Variants in KCNK2 observed in about 807,000 individuals in gnomAD.
KCNK2 encodes the protein potassium channel subfamily K member 2.
KCNK2 carries 21 observed loss-of-function variants against 40.5 expected under a neutral mutation model. The ratio of observed to expected loss-of-function variants is 0.52; its 90% CI spans 0.37 to 0.75. The LOEUF (loss-of-function observed/expected upper bound fraction) is 0.75. Among genes scored for constraint, KCNK2 ranks in the 30% least tolerant of loss-of-function variants. The probability of loss-of-function intolerance (pLI) is 0.00; values close to 1 mark genes in which losing one functional copy is unlikely to be tolerated. For missense variants in KCNK2, 399 were observed against 531.6 expected (o/e 0.75, Z 2.45); for synonymous variants, 191 against 202.2 (o/e 0.94, Z 0.47).
At chr1:215,018,998 CAA>C (rs72095533) in intron 1 of KCNK2, among the ~76,000 whole-genome samples, 8 of 138,792 alleles carry the variant, frequency 5.8e-5, no homozygotes, top group African/African-American at 1.8e-4. Context: ...CACACACACA[CAA>C]AAAAAAAACC....
intron 2 of KCNK2, among the ~76,000 whole-genome samples, chr1:215,108,016 A>C (rs768277885): frequency 1.3e-5 from 2 of 152,078 alleles, no homozygotes; most frequent in Non-Finnish European, 2.9e-5. Flanking sequence ...TGGTTTTAGG[A>C]TGAAACGATT....
Position 215,086,504 on chromosome 1 carries a change from G to T in KCNK2, c.183G>T (p.Thr61=). Residue 61 remains threonine (T), a synonymous_variant, in exon 2 of 7, where the codon ACG becomes ACT. Coordinates refer to ENST00000444842, the MANE Select transcript of KCNK2 (RefSeq NM_001017425.3). ...CCATTAATGTTATGAAATGGAAGAC[G>T]GTCTCCACGATATTCCTGGTGGTTG... The part of the protein sequence containing the change: ...DTTINVMKWK[T]VSTIFLVVVL... 6 of 1,614,104 alleles carry T rather than the reference G, an allele frequency of 3.7e-6. No individual in the cohort carries two copies. The highest frequency in any genetic ancestry group is 5.1e-6 in the Non-Finnish European group (6 of 1,180,008).
At chr1:215,037,474 A>G (rs1207932957) in intron 1 of KCNK2, among the ~76,000 whole-genome samples, 4 of 151,962 alleles carry the variant, frequency 2.6e-5, no homozygotes, top group Non-Finnish European at 4.4e-5. Flanking sequence ...CATGAGGGAT[A>G]TTGATTTCAC....
intron 2 of KCNK2, among the ~76,000 whole-genome samples, chr1:215,090,437 T>C (rs964054368): frequency 6.6e-6 from 1 of 152,256 alleles, no homozygotes; most frequent in African/African-American, 2.4e-5. Context: ...AGTTTCCTGT[T>C]ATTCCATATG....
intron 3 of KCNK2, among the ~76,000 whole-genome samples, chr1:215,137,433 G>T (rs569041772): frequency 2.0e-5 from 3 of 152,276 alleles, no homozygotes; most frequent in Admixed American, 6.5e-5. Flanking sequence ...TGCTATAATG[G>T]CAGAATCAAA....
intron 2 of KCNK2, among the ~76,000 whole-genome samples, chr1:215,098,451 C>G (rs993675604): frequency 6.6e-5 from 10 of 151,808 alleles, no homozygotes; most frequent in Admixed American, 5.3e-4. Flanking sequence ...TAAGCTTCAA[C>G]TCTCATTTAT....
At chr1:215,096,751 A>G (rs1659994560) in intron 2 of KCNK2, among the ~76,000 whole-genome samples, 1 of 152,028 alleles carries the variant, frequency 6.6e-6, no homozygotes, top group Admixed American at 6.6e-5. Flanking sequence ...GATATGGAAC[A>G]TGGAGCTAAG....
intron 1 of KCNK2, among the ~76,000 whole-genome samples, chr1:215,032,151 T>C (rs1365171124): frequency 2.6e-5 from 4 of 151,228 alleles, no homozygotes; most frequent in Non-Finnish European, 5.9e-5. Flanking sequence ...TTCATACCTA[T>C]AATCCCAGCA....
intron 1 of KCNK2, among the ~76,000 whole-genome samples, chr1:215,008,341 C>G (rs1304893640): frequency 6.6e-6 from 1 of 152,040 alleles, no homozygotes; most frequent in Non-Finnish European, 1.5e-5. Flanking sequence ...ATCAAAATTT[C>G]TATAGCCAGA....
intron 2 of KCNK2, among the ~76,000 whole-genome samples, chr1:215,105,296 T>C (rs1345968030): frequency 6.6e-6 from 1 of 152,096 alleles, no homozygotes; most frequent in African/African-American, 2.4e-5. Context: ...AGTTTGGCCA[T>C]TTTAGAGATA....
At position 215,142,563 on chromosome 1, in the gene KCNK2, T is replaced by TTTAC. The variant is rs1464924052; in HGVS notation, c.475+17813_475+17814insTTAC. On this transcript the variant is annotated intron_variant, in intron 3 of 6. Coordinates refer to ENST00000444842, the MANE Select transcript of KCNK2 (RefSeq NM_001017425.3). ...AGGTGATCTTTCTTTTCTGTTTTTT[T>TTTAC]ACGTTACTTGTTTTTACTTTGGATT... Among the ~76,000 whole-genome samples, 7 of 152,268 alleles carry TTTAC rather than the reference T, an allele frequency of 4.6e-5. No homozygotes were observed. In the South Asian group the frequency reaches 1.5e-3, roughly 32 times the overall value.
intron 6 of KCNK2, among the ~76,000 whole-genome samples, chr1:215,231,307 A>G (rs1480099282): frequency 6.6e-6 from 1 of 152,202 alleles, no homozygotes; most frequent in African/African-American, 2.4e-5. Flanking sequence ...GCTGCTGGGA[A>G]TTCTGAGTCT....
chr1:215,067,065 G>T (rs545459475), intron 1 of KCNK2, among the ~76,000 whole-genome samples: 2 of 152,050 alleles, frequency 1.3e-5, no homozygotes, highest in Admixed American at 6.6e-5. Flanking sequence ...AGAAAAAAAC[G>T]AACGGGGTGG....
chr1:215,225,522 T>C (rs1380282557), intron 6 of KCNK2, among the ~76,000 whole-genome samples: 1 of 152,236 alleles, frequency 6.6e-6, no homozygotes, highest in African/African-American at 2.4e-5. Flanking sequence ...CTTCAGGCCG[T>C]ACCAACACAC....
Position 215,083,092 on chromosome 1 carries a change from C to G in KCNK2, c.-294C>G. ...GGTGACCCGGGCCCGGCAGCAGGCG[C>G]GCGCGGGGGCGGCGGCGCCCAAGCC... is the stretch of plus-strand genomic sequence containing the variant. On this transcript the variant is annotated 5_prime_UTR_variant, in exon 1 of 7. Transcript: ENST00000444842. 1 of 450,398 alleles carries G rather than the reference C, an allele frequency of 2.2e-6. No homozygotes were observed. The highest frequency in any genetic ancestry group is 3.8e-6 in the Non-Finnish European group (1 of 261,198). 27.9% of individuals were successfully genotyped at this position (450,398 alleles called of 1,614,324 possible).
chr1:215,209,082 C>T lies in KCNK2; in HGVS notation c.963+13990C>T, dbSNP rs553680928. Among the ~76,000 whole-genome samples, 5 of 151,220 alleles carry T rather than the reference C, an allele frequency of 3.3e-5. 1 individual carries two copies. Among genetic ancestry groups the T allele is most frequent in the African/African-American group, 9.7e-5 (4 of 41,192 alleles). ...CCTCAAGCGATCCACCTGCCTTGGC[C>T]TCCCAAAGTGCTGGGACTACAGGTG... On this transcript the variant is annotated intron_variant, in intron 6 of 6. Coordinates refer to ENST00000444842, the MANE Select transcript of KCNK2 (RefSeq NM_001017425.3).
intron 1 of KCNK2, chr1:215,006,093 C>A (rs1447866772): frequency 5.7e-6 from 4 of 707,652 alleles, no homozygotes; most frequent in Non-Finnish European, 9.6e-6. Context: ...TTGGGTGGTT[C>A]CAACAGAGGG....
intron 1 of KCNK2, among the ~76,000 whole-genome samples, chr1:215,076,271 T>A (rs192680128): frequency 1.5e-3 from 222 of 152,368 alleles, no homozygotes; most frequent in African/African-American, 5.1e-3. Context: ...TTGTATTAGT[T>A]ATCTATTGGT....
chr1:215,028,990 T>C (rs949031870), intron 1 of KCNK2, among the ~76,000 whole-genome samples: 2 of 152,064 alleles, frequency 1.3e-5, no homozygotes, highest in African/African-American at 4.8e-5. Context: ...AGAAGAGTTT[T>C]AAGTTCATAG....
Sources: allele counts gnomAD v4.1 joint callset (sites outside exome capture counted in the v4.1 genomes callset), GRCh38; gene constraint gnomAD v4.1.1; transcripts MANE v1.5; gene names NCBI Gene and HGNC (gene_info 2026-07-23, HGNC 2026-07-21).